PTPRE: variants seen among roughly 807,000 people sequenced by gnomAD.
PTPRE encodes protein tyrosine phosphatase receptor type E, also known as receptor-type tyrosine-protein phosphatase epsilon.
In PTPRE, 51 loss-of-function variants were observed where a neutral mutation model predicts 102.0. That is an observed-to-expected ratio of 0.50 (90% CI 0.40 to 0.63). The LOEUF (loss-of-function observed/expected upper bound fraction) is 0.63. PTPRE is among the 30% of genes least tolerant of loss of function. PTPRE has a pLI of 0.00. For synonymous variants in PTPRE, 345 were observed against 348.2 expected, an observed-to-expected ratio of 0.99 and a Z score of 0.10; for missense variants, 752 against 915.1, an observed-to-expected ratio of 0.82 and a Z score of 2.30.
rs774916005 is a variant in PTPRE, at chr10:128,047,447, T to C, written c.167T>C (p.Leu56Pro). ...CTGGCCTGGCTGCTACTGCCGCTGC[T>C]GCTCCTCCTCCTCGTGCTCCTTCTC... is the stretch of plus-strand genomic sequence containing the variant. The part of the protein sequence containing the change: ...PLLAWLLLPL[L>P]LLLLVLLLAA... The change falls in exon 4 of 21, where the codon CTG becomes CCG. Residue 56 changes from leucine (L) to proline (P), a missense_variant. Transcript: ENST00000254667. 3 of 1,613,396 alleles carry C rather than the reference T, an allele frequency of 1.9e-6. No homozygotes were observed. Among genetic ancestry groups the C allele is most frequent in the Admixed American group, 1.7e-5 (1 of 60,020 alleles).
intron 2 of PTPRE, among the ~76,000 whole-genome samples, chr10:127,987,122 A>C (rs1034825434): frequency 6.6e-5 from 10 of 152,202 alleles, no homozygotes; most frequent in African/African-American, 2.4e-4. Context: ...TCCCCCCGGA[A>C]AGTTTCCACA....
chr10:127,949,481 T>G (rs1014649391), intron 1 of PTPRE, among the ~76,000 whole-genome samples: 2 of 152,222 alleles, frequency 1.3e-5, no homozygotes, highest in South Asian at 4.1e-4. Context: ...ATAGATCACG[T>G]GCTTACTGTT....
intron 15 of PTPRE, chr10:128,071,744 G>A (rs567776277): frequency 7.1e-5 from 13 of 183,892 alleles, no homozygotes; most frequent in Non-Finnish European, 1.1e-4. Context: ...CACTGCAGGC[G>A]AGTAGAGCTC....
In PTPRE at chr10:128,084,846, T is replaced by C. The variant is rs4237449; in HGVS notation, c.*1940T>C. 0.53 allele frequency: 90,173 copies of C among 169,596 alleles called. 24,372 individuals carry two copies. The highest frequency in any genetic ancestry group is 0.61 in the Admixed American group (10,009 of 16,316). The allele number at this position is 169,596 out of a possible 1,614,324, so 10.5% of individuals were successfully genotyped here. A position where few individuals can be genotyped will look rare whatever the true frequency, so the allele number is the denominator to read the frequency against. On this transcript the variant is annotated 3_prime_UTR_variant, in exon 21 of 21. Transcript: ENST00000254667. ...TTTATTTGAGAGTTCGAAGTCAAAGTCGAGGGGCACCGGCTTTGGTTCATG... is the reference window on the plus strand; with the variant it reads ...TTTATTTGAGAGTTCGAAGTCAAAGCCGAGGGGCACCGGCTTTGGTTCATG...
chr10:128,076,879 G>C (rs1851253064), intron 18 of PTPRE, 151 bp downstream of exon 18: 1 of 1,109,844 alleles, frequency 9.0e-7, no homozygotes, highest in East Asian at 2.5e-5. Flanking sequence ...ATGGGTTTCA[G>C]AGACAGTGGC....
chr10:128,066,882 A>G (rs1176823402), intron 11 of PTPRE, among the ~76,000 whole-genome samples: 2 of 152,188 alleles, frequency 1.3e-5, no homozygotes, highest in Non-Finnish European at 2.9e-5. Flanking sequence ...AGGCGCACAC[A>G]GGCACTCACA....
intron 16 of PTPRE, 103 bp from the exon 17 acceptor site, chr10:128,073,234 G>C (rs1850937547): frequency 6.7e-7 from 1 of 1,486,956 alleles, no homozygotes; most frequent in South Asian, 1.3e-5. Context: ...GAGGATGAGA[G>C]AGTTTTCCTC....
chr10:128,061,749 G>C, intron 9 of PTPRE, 34 bp downstream of exon 9: 1 of 1,569,248 alleles, frequency 6.4e-7, no homozygotes, highest in Non-Finnish European at 8.6e-7. Flanking sequence ...ACGTATTTTT[G>C]GTAACGTGAA....
intron 1 of PTPRE, among the ~76,000 whole-genome samples, chr10:127,968,808 A>G (rs1850465089): frequency 6.6e-6 from 1 of 152,254 alleles, no homozygotes; most frequent in African/African-American, 2.4e-5. Flanking sequence ...AGCAGACCAT[A>G]GTATAAATGC....
At chr10:128,061,301 A>C (rs1849569469) in intron 8 of PTPRE, among the ~76,000 whole-genome samples, 1 of 152,252 alleles carries the variant, frequency 6.6e-6, no homozygotes, top group Non-Finnish European at 1.5e-5. Flanking sequence ...TGGTAAAACC[A>C]TGTGCAGTGG....
intron 1 of PTPRE, among the ~76,000 whole-genome samples, chr10:127,940,268 T>A (rs73376114): frequency 0.054 from 8,209 of 152,182 alleles, 353 homozygotes; most frequent in East Asian, 0.15. Context: ...TTTCCTTGAA[T>A]AAACACCCCA....
chr10:128,067,352 A>G (rs1850315349), intron 11 of PTPRE, among the ~76,000 whole-genome samples: 1 of 150,512 alleles, frequency 6.6e-6, no homozygotes, highest in African/African-American at 2.5e-5. Flanking sequence ...ACACATTCAC[A>G]CACGCACACG....
intron 20 of PTPRE, among the ~76,000 whole-genome samples, chr10:128,080,485 G>T (rs1851609697): frequency 6.6e-6 from 1 of 152,162 alleles, no homozygotes; most frequent in Non-Finnish European, 1.5e-5. Flanking sequence ...GCTGAGGGCG[G>T]GTCTGTCCAT....
chr10:128,020,891 T>C (rs1590037582), intron 2 of PTPRE, among the ~76,000 whole-genome samples: 1 of 149,152 alleles, frequency 6.7e-6, no homozygotes, highest in Admixed American at 6.7e-5. Flanking sequence ...GTACAGTGTC[T>C]TTTTTTTTTC....
At chr10:128,041,082 G>C in intron 3 of PTPRE, 92 bp downstream of exon 3, 1 of 1,078,246 alleles carries the variant, frequency 9.3e-7, no homozygotes, top group Non-Finnish European at 1.4e-6. Flanking sequence ...TAGGGTAAGA[G>C]AAGAATGGTG....
intron 17 of PTPRE, 66 bp from the exon 18 acceptor site, chr10:128,076,537 T>C: frequency 6.7e-7 from 1 of 1,487,072 alleles, no homozygotes; most frequent in Non-Finnish European, 9.0e-7. Context: ...TTCTGTGTTA[T>C]AAACTCAAAA....
intron 1 of PTPRE, among the ~76,000 whole-genome samples, chr10:127,920,410 T>G (rs905590360): frequency 1.3e-5 from 2 of 152,148 alleles, no homozygotes; most frequent in Non-Finnish European, 2.9e-5. Context: ...AGATTGCTGG[T>G]GGGCGTGTGA....
chr10:128,054,325 C>T (rs1038972123), intron 6 of PTPRE, among the ~76,000 whole-genome samples: 20 of 152,094 alleles, frequency 1.3e-4, no homozygotes, highest in Non-Finnish European at 2.9e-5. Context: ...ACCCACCATC[C>T]GGTATCATGC....
intron 1 of PTPRE, among the ~76,000 whole-genome samples, chr10:127,926,384 G>A (rs146634275): frequency 7.2e-5 from 11 of 152,358 alleles, no homozygotes; most frequent in Admixed American, 6.5e-4. Context: ...AAGAATGGCA[G>A]GATCTGAATG....
Sources: allele counts gnomAD v4.1 joint callset (sites outside exome capture counted in the v4.1 genomes callset), GRCh38; gene constraint gnomAD v4.1.1; transcripts MANE v1.5; gene names NCBI Gene and HGNC (gene_info 2026-07-23, HGNC 2026-07-21).